GALNS: variants seen among roughly 807,000 people sequenced by gnomAD.
GALNS encodes the protein galactosamine (N-acetyl)-6-sulfatase.
In GALNS, 65 loss-of-function variants were observed where a neutral mutation model predicts 65.9. That is an observed-to-expected ratio of 0.99 (90% CI 0.81 to 1.21). The LOEUF is 1.21. Among genes scored for constraint, GALNS ranks in the 50% most tolerant of loss-of-function variants. The probability of loss-of-function intolerance (pLI) is 0.00; values close to 1 mark genes in which losing one functional copy is unlikely to be tolerated. For missense variants in GALNS, 776 were observed against 700.7 expected (o/e 1.11, Z -1.21); for synonymous variants, 346 against 288.9 (o/e 1.20, Z -2.00).
chr16:88,836,375 G>C lies in GALNS; in HGVS notation c.567-108C>G, dbSNP rs575962328. 4 of 899,480 alleles carry C rather than the reference G, an allele frequency of 4.4e-6. No individual in the cohort carries two copies. In the South Asian group the frequency reaches 5.6e-5, roughly 13 times the overall value. The allele number at this position is 899,480 out of a possible 1,614,324, so 55.7% of individuals were successfully genotyped here. On this transcript the variant is annotated intron_variant, in intron 5 of 13. Coordinates refer to ENST00000268695, the MANE Select transcript of GALNS (RefSeq NM_000512.5). Reference sequence around the variant, plus strand: ...GGGCTTCATTTAAAAGAAGGCTAGGGCTGGGCGTCATGGCTCATGCCTGTA... The same window carrying C: ...GGGCTTCATTTAAAAGAAGGCTAGGCCTGGGCGTCATGGCTCATGCCTGTA...
At chr16:88,814,609 G>A in intron 13 of GALNS, 84 bp from the exon 14 acceptor site, 1 of 1,543,748 alleles carries the variant, frequency 6.5e-7, no homozygotes, top group Non-Finnish European at 8.7e-7. Flanking sequence ...TGTTGTTGCT[G>A]TTCTGAGACA....
At chr16:88,837,573 G>A (rs776712606) in intron 5 of GALNS, 49 bp downstream of exon 5, 93 of 1,597,662 alleles carry the variant, frequency 5.8e-5, no homozygotes, top group South Asian at 4.7e-4. Context: ...CAGGCACGCC[G>A]GGCACAGCAG....
At chr16:88,835,632 G>A (rs1912040119) in intron 7 of GALNS, 93 bp downstream of exon 7, 4 of 1,577,828 alleles carry the variant, frequency 2.5e-6, no homozygotes, top group Non-Finnish European at 3.5e-6. Context: ...TCCATAATTG[G>A]CCTAAATGCC....
intron 12 of GALNS, among the ~76,000 whole-genome samples, chr16:88,820,960 C>T (rs1225337421): frequency 6.6e-6 from 1 of 152,188 alleles, no homozygotes; most frequent in Non-Finnish European, 1.5e-5. Flanking sequence ...CTGTTGGCTC[C>T]TCAGTGACTT....
chr16:88,817,924 T>C, intron 13 of GALNS, 83 bp downstream of exon 13: 1 of 1,165,262 alleles, frequency 8.6e-7, no homozygotes, highest in Non-Finnish European at 1.2e-6. Flanking sequence ...CTCTGCCCTG[T>C]GCTGGCCACG....
intron 1 of GALNS, chr16:88,843,309 C>A (rs1967074550): frequency 1.2e-6 from 1 of 863,018 alleles, no homozygotes; most frequent in Non-Finnish European, 1.6e-6. Flanking sequence ...CCCTGCAGTT[C>A]CACGCTGCAA....
In GALNS at chr16:88,815,182, G is replaced by A. The variant is rs868442449; in HGVS notation, c.1483-657C>T. 67 of 985,350 alleles carry A rather than the reference G, an allele frequency of 6.8e-5. No individual in the cohort carries two copies. In the South Asian group the frequency reaches 8.9e-4, roughly 13 times the overall value. The allele number at this position is 985,350 out of a possible 1,614,324, so 61.0% of individuals were successfully genotyped here. A position where few individuals can be genotyped will look rare whatever the true frequency, so the allele number is the denominator to read the frequency against. ...TTGGGAGATGGCACCCTCTTGACTC[G>A]GCCTCTCAGCTCTGAAGGCTGCCAT... On this transcript the variant is annotated intron_variant, in intron 13 of 13. Transcript: ENST00000268695.
At chr16:88,847,951 C>A (rs1190857818) in intron 1 of GALNS, among the ~76,000 whole-genome samples, 1 of 152,248 alleles carries the variant, frequency 6.6e-6, no homozygotes, top group Non-Finnish European at 1.5e-5. Flanking sequence ...CCCGGATGCC[C>A]ATCCATGGGT....
chr16:88,842,140 T>TG, intron 2 of GALNS, 169 bp from the exon 3 acceptor site: 3 of 711,368 alleles, frequency 4.2e-6, no homozygotes, highest in Non-Finnish European at 7.7e-6. Flanking sequence ...ACCACCTGGG[T>TG]GGGGCACGGC....
intron 11 of GALNS, 99 bp from the exon 12 acceptor site, chr16:88,822,809 AG>A: frequency 2.6e-6 from 4 of 1,522,520 alleles, no homozygotes; most frequent in Non-Finnish European, 2.7e-6. Flanking sequence ...TGCGGCCGTG[AG>A]GGGCCTTGTC....
intron 13 of GALNS, chr16:88,816,639 T>C (rs12935469): frequency 4.1e-6 from 4 of 984,476 alleles, no homozygotes; most frequent in South Asian, 9.4e-5. Context: ...TCACTGCTGG[T>C]AGGTGCTCCC....
intron 9 of GALNS, chr16:88,827,251 G>A (rs1911026382): frequency 1.6e-5 from 4 of 253,038 alleles, no homozygotes; most frequent in Admixed American, 1.5e-4. Flanking sequence ...ATGTGGAGGG[G>A]CAGCTGAGGC....
At chr16:88,854,526 G>GT (rs950445130) in intron 1 of GALNS, among the ~76,000 whole-genome samples, 1 of 152,220 alleles carries the variant, frequency 6.6e-6, no homozygotes, top group Non-Finnish European at 1.5e-5. Flanking sequence ...CCCTTCTGGG[G>GT]TAGGCCCGAG....
intron 1 of GALNS, among the ~76,000 whole-genome samples, chr16:88,854,715 C>G (rs1315106397): frequency 6.6e-6 from 1 of 152,206 alleles, no homozygotes; most frequent in Non-Finnish European, 1.5e-5. Context: ...GAGGATGTGG[C>G]CAGTTCAGAG....
Position 88,814,175 on chromosome 16 carries a change from G to A in GALNS, c.*264C>T. 1.8e-6 allele frequency: 1 copy of A among 566,848 alleles called. No individual in the cohort carries two copies. Among genetic ancestry groups the A allele is most frequent in the East Asian group, 3.0e-5 (1 of 33,246 alleles). The allele number at this position is 566,848 out of a possible 1,614,324, so 35.1% of individuals were successfully genotyped here. On this transcript the variant is annotated 3_prime_UTR_variant, in exon 14 of 14. Transcript: ENST00000268695. ...AGATATTTGGGGTTCACAAAGGCGT[G>A]AGACGGCAGGGTCCTGAGGTCTGAG...
intron 12 of GALNS, among the ~76,000 whole-genome samples, chr16:88,822,210 C>G (rs975328717): frequency 6.6e-6 from 1 of 152,174 alleles, no homozygotes; most frequent in African/African-American, 2.4e-5. Flanking sequence ...GAGGGTGGAG[C>G]TGGGGCTGGT....
intron 5 of GALNS, 22 bp from the exon 6 acceptor site, chr16:88,836,289 A>G: frequency 6.3e-7 from 1 of 1,595,666 alleles, no homozygotes; most frequent in Non-Finnish European, 8.6e-7. Context: ...ACAGATCCAG[A>G]CAGACTTCAG....
chr16:88,834,319 G>T, intron 8 of GALNS, among the ~76,000 whole-genome samples: 1 of 138,566 alleles, frequency 7.2e-6, no homozygotes, highest in Non-Finnish European at 1.6e-5. Flanking sequence ...AGGCTGTAGG[G>T]CTCTCCCCAC....
At chr16:88,831,788 A>G (rs75969943) in intron 9 of GALNS, among the ~76,000 whole-genome samples, 3 of 112,638 alleles carry the variant, frequency 2.7e-5, no homozygotes, top group Admixed American at 9.2e-5. Flanking sequence ...TGGGGAGGAG[A>G]GCGGTGAGGC....
Sources: gnomAD v4.1 joint callset for allele counts (sites outside exome capture counted in the v4.1 genomes callset) on GRCh38, gnomAD v4.1.1 for gene constraint, MANE v1.5 for transcripts, NCBI Gene and HGNC (gene_info 2026-07-23, HGNC 2026-07-21) for gene names.